ZDHHC18: variants seen among roughly 807,000 people sequenced by gnomAD.
ZDHHC18 encodes the protein zDHHC palmitoyltransferase 18.
In ZDHHC18, 23 loss-of-function variants were observed where a neutral mutation model predicts 37.5. That is an observed-to-expected ratio of 0.61 (90% confidence interval 0.44 to 0.87). ZDHHC18 has a LOEUF of 0.87. Among genes scored for constraint, ZDHHC18 ranks in the 40% least tolerant of loss-of-function variants. ZDHHC18 has a pLI of 0.00. For synonymous variants in ZDHHC18, 185 were observed against 218.7 expected (o/e 0.85, Z 1.36); for missense variants, 406 against 525.6 (o/e 0.77, Z 2.22).
At position 26,855,359 on chromosome 1, in the gene ZDHHC18, A is replaced by C. The variant is rs1417370893; in HGVS notation, c.*1516A>C. The C allele has an allele frequency of 6.6e-6, 1 of 152,542 alleles. No homozygotes were observed. The highest frequency in any genetic ancestry group is 1.5e-5 in the Non-Finnish European group (1 of 68,076). 9.4% of individuals were successfully genotyped at this position (152,542 alleles called of 1,614,324 possible). A position where few individuals can be genotyped will look rare whatever the true frequency, so the allele number is the denominator to read the frequency against. ...AGGTTGGCCTGAGTCTGGGCCGGAA[A>C]CTCAGAGGATGTTTCTCCTCTGCTG... On this transcript the variant is annotated 3_prime_UTR_variant, in exon 8 of 8. Transcript: ENST00000374142.
At chr1:26,845,114 G>A (rs1052270754) in intron 2 of ZDHHC18, among the ~76,000 whole-genome samples, 2 of 151,590 alleles carry the variant, frequency 1.3e-5, no homozygotes, top group Non-Finnish European at 2.9e-5. Context: ...TAGTATAGAC[G>A]AGGTTTCACC....
intron 2 of ZDHHC18, among the ~76,000 whole-genome samples, chr1:26,843,317 G>GAGGGTTTTTTTAGTTTT (rs2081647890): frequency 6.7e-6 from 1 of 150,370 alleles, no homozygotes; most frequent in African/African-American, 2.4e-5. Flanking sequence ...TAACTTTTGT[G>GAGGGTTTTTTTAGTTTT]TTTTTAGTAG....
intron 2 of ZDHHC18, among the ~76,000 whole-genome samples, chr1:26,843,562 G>T (rs2124259819): frequency 6.7e-6 from 1 of 149,518 alleles, no homozygotes; most frequent in East Asian, 2.0e-4. Flanking sequence ...GCTGAGGTGG[G>T]TGGATGACTT....
chr1:26,831,286 A>G (rs1242879596), intron 1 of ZDHHC18, among the ~76,000 whole-genome samples: 1 of 150,128 alleles, frequency 6.7e-6, no homozygotes, highest in East Asian at 1.9e-4. Context: ...CAGGCTTGTT[A>G]TAGGAACTGT....
chr1:26,852,245 G>T (rs2081708519), intron 6 of ZDHHC18, among the ~76,000 whole-genome samples: 1 of 152,236 alleles, frequency 6.6e-6, no homozygotes, highest in Non-Finnish European at 1.5e-5. Flanking sequence ...ATTCTTTATT[G>T]CTAAACTCTC....
chr1:26,855,688 C>T lies in ZDHHC18; in HGVS notation c.*1845C>T, dbSNP rs897596234. The T allele has an allele frequency of 4.6e-5, 7 of 153,422 alleles. No homozygotes were observed. Among genetic ancestry groups the T allele is most frequent in the African/African-American group, 1.7e-4 (7 of 41,472 alleles). The allele number at this position is 153,422 out of a possible 1,614,324, so 9.5% of individuals were successfully genotyped here. A position where few individuals can be genotyped will look rare whatever the true frequency, so the allele number is the denominator to read the frequency against. Reference sequence around the variant, plus strand: ...TTATTTAAGCCAGTATTCTTTGTTCCTGCTTGTAATAAAACTTCAGTTTAT... The same window carrying T: ...TTATTTAAGCCAGTATTCTTTGTTCTTGCTTGTAATAAAACTTCAGTTTAT... On this transcript the variant is annotated 3_prime_UTR_variant, in exon 8 of 8. Transcript: ENST00000374142.
intron 1 of ZDHHC18, 139 bp downstream of exon 1, chr1:26,827,278 C>A: frequency 1.4e-6 from 1 of 704,828 alleles, no homozygotes; most frequent in South Asian, 4.8e-5. Flanking sequence ...CCTCCTCGGG[C>A]CTCTTGTCTG....
chr1:26,852,753 A>G lies in ZDHHC18; in HGVS notation c.937A>G (p.Ile313Val), dbSNP rs765863352. 1 of 1,613,900 alleles carries G rather than the reference A, an allele frequency of 6.2e-7. No homozygotes were observed. Among genetic ancestry groups the G allele is most frequent in the East Asian group, 2.2e-5 (1 of 44,882 alleles). ...ACCTAGGCCTCCTTCCTGCTTGCAG[A>G]TCAAAGGCTCGTGGTCCAGCAAGAG... ...VASNLTTNED[I>V]KGSWSSKRGG... is the part of the protein sequence containing the mutation. The change falls in exon 7 of 8, where the codon ATC becomes GTC. Residue 313 changes from isoleucine (I) to valine (V), a missense_variant and splice_region_variant. Physicochemically the swap from Ile to Val is conservative, Grantham distance 29. Transcript: ENST00000374142.
Position 26,826,773 on chromosome 1 carries a change from G to A in ZDHHC18, c.-32G>A. The A allele has an allele frequency of 1.0e-6, 1 of 965,080 alleles. No individual in the cohort carries two copies. Among genetic ancestry groups the A allele is most frequent in the African/African-American group, 1.8e-5 (1 of 56,436 alleles). The allele number at this position is 965,080 out of a possible 1,614,324, so 59.8% of individuals were successfully genotyped here. On this transcript the variant is annotated 5_prime_UTR_variant, in exon 1 of 8. Transcript: ENST00000374142. This position sits in a 1 kb window ranked among gnomAD's most constrained non-coding sequence, Gnocchi z 5.2. Reference sequence around the variant, plus strand: ...TCCCGGAGTGGCCCGGCCGGCCCGCGGGGCGCGGAGCCGAGGCCCGCGGCT... The same window carrying A: ...TCCCGGAGTGGCCCGGCCGGCCCGCAGGGCGCGGAGCCGAGGCCCGCGGCT...
At chr1:26,842,453 T>G (rs2081644076) in intron 2 of ZDHHC18, among the ~76,000 whole-genome samples, 1 of 152,192 alleles carries the variant, frequency 6.6e-6, no homozygotes, top group African/African-American at 2.4e-5. Context: ...GCAAATGATA[T>G]CATCAGGAGA....
chr1:26,851,319 TC>T (rs2081703086), intron 6 of ZDHHC18, 88 bp downstream of exon 6: 11 of 1,275,832 alleles, frequency 8.6e-6, no homozygotes, highest in Non-Finnish European at 1.3e-5. Context: ...CCAAGCACAG[TC>T]CTGACTCACG....
At chr1:26,844,003 T>C (rs1488910800) in intron 2 of ZDHHC18, among the ~76,000 whole-genome samples, 2 of 152,148 alleles carry the variant, frequency 1.3e-5, no homozygotes, top group African/African-American at 4.8e-5. Flanking sequence ...TTGAACATTT[T>C]GTACTGTATG....
Position 26,826,724 on chromosome 1 carries a change from T to G in ZDHHC18, c.-81T>G. ...GAGCGAGCGCCGCGCGCGCCGCCGC[T>G]GCCACCTCCGCTGCTCGGCCCGGTC... On this transcript the variant is annotated 5_prime_UTR_variant, in exon 1 of 8. Coordinates refer to ENST00000374142, the MANE Select transcript of ZDHHC18 (RefSeq NM_032283.3). This position sits in a 1 kb window ranked among gnomAD's most constrained non-coding sequence, Gnocchi z 5.2. The G allele has an allele frequency of 1.5e-6, 1 of 686,628 alleles. No homozygotes were observed. Among genetic ancestry groups the G allele is most frequent in the Non-Finnish European group, 1.8e-6 (1 of 559,464 alleles). 42.5% of individuals were successfully genotyped at this position (686,628 alleles called of 1,614,324 possible).
At chr1:26,837,692 C>T (rs866349495) in intron 2 of ZDHHC18, among the ~76,000 whole-genome samples, 2 of 151,942 alleles carry the variant, frequency 1.3e-5, no homozygotes, top group Admixed American at 6.6e-5. Flanking sequence ...GTTGGCCAGG[C>T]TGGTCTTGAA....
In ZDHHC18 at chr1:26,848,743, GCGA is replaced by G; in HGVS notation, c.634_636del (p.Asp212del). 1 of 1,612,694 alleles carries G rather than the reference GCGA, an allele frequency of 6.2e-7. No homozygotes were observed. Among genetic ancestry groups the G allele is most frequent in the Non-Finnish European group, 8.5e-7 (1 of 1,178,724 alleles). On this transcript the variant is annotated inframe_deletion, in exon 3 of 8. Transcript: ENST00000374142. ...CCCCGAACCTCACACTGCAGTGTCTGCGACAACTGTGTGGGTGAGTAGGAGGCA... is the reference window on the plus strand; with the variant it reads ...CCCCGAACCTCACACTGCAGTGTCTGCAACTGTGTGGGTGAGTAGGAGGCA...
chr1:26,834,853 G>A (rs913341254), intron 2 of ZDHHC18, among the ~76,000 whole-genome samples: 1 of 152,236 alleles, frequency 6.6e-6, no homozygotes, highest in Non-Finnish European at 1.5e-5. Context: ...CCTGACAGCA[G>A]AGTGAAGGCA....
At chr1:26,829,167 C>T (rs2081572482) in intron 1 of ZDHHC18, among the ~76,000 whole-genome samples, 2 of 152,160 alleles carry the variant, frequency 1.3e-5, no homozygotes, top group Non-Finnish European at 2.9e-5. Flanking sequence ...TGGGTCTGGA[C>T]TGGATGCTCC....
At chr1:26,830,482 A>G (rs2081583501) in intron 1 of ZDHHC18, among the ~76,000 whole-genome samples, 1 of 152,152 alleles carries the variant, frequency 6.6e-6, no homozygotes, top group Non-Finnish European at 1.5e-5. Context: ...GTAGTACAGT[A>G]ACTATCTGTA....
intron 6 of ZDHHC18, 102 bp downstream of exon 6, chr1:26,851,333 C>T: frequency 8.7e-7 from 1 of 1,143,254 alleles, no homozygotes; most frequent in Non-Finnish European, 1.3e-6. Flanking sequence ...GACTCACGGA[C>T]TGCTGGGATA....
Sources: gnomAD v4.1 joint callset for allele counts (sites outside exome capture counted in the v4.1 genomes callset) on GRCh38, gnomAD v4.1.1 for gene constraint, Gnocchi (gnomAD v3.1) non-coding constraint, MANE v1.5 for transcripts, NCBI Gene and HGNC (gene_info 2026-07-23, HGNC 2026-07-21) for gene names.